The following SRGAP1 variants were observed in gnomAD, a reference collection of about 807,000 sequenced individuals.
SRGAP1 encodes SLIT-ROBO Rho GTPase activating protein 1, also known as SLIT-ROBO Rho GTPase-activating protein 1.
Under a neutral mutation model 121.9 loss-of-function variants are expected in SRGAP1, and 43 were observed. The observed-to-expected ratio is 0.35, with a 90% CI of 0.28 to 0.46. SRGAP1 has a LOEUF of 0.46. SRGAP1 is among the 20% of genes least tolerant of loss of function. The probability of loss-of-function intolerance (pLI) is 1.00; values close to 1 mark genes in which losing one functional copy is unlikely to be tolerated. For synonymous variants in SRGAP1, 447 were observed against 485.4 expected, an observed-to-expected ratio of 0.92 and a Z score of 1.04; for missense variants, 1,102 against 1,350.9, an observed-to-expected ratio of 0.82 and a Z score of 2.89.
chr12:64,062,868 G>T, intron 6 of SRGAP1, 49 bp from the exon 7 acceptor site: 1 of 1,469,260 alleles, frequency 6.8e-7, no homozygotes, highest in South Asian at 1.2e-5. Context: ...TTTTGTCTTT[G>T]ATCAATTTTG....
chr12:64,000,266 G>GTGTA (rs1386921633), intron 3 of SRGAP1, among the ~76,000 whole-genome samples: 15 of 149,510 alleles, frequency 1.0e-4, no homozygotes, highest in African/African-American at 3.7e-4. Context: ...GTGTGTGTGT[G>GTGTA]TGTGTGTGTA....
rs1419041328 is a variant in SRGAP1, at chr12:64,158,840, T to C, written c.*16168T>C. On this transcript the variant is annotated 3_prime_UTR_variant, in exon 22 of 22. Transcript: ENST00000355086. Reference sequence around the variant, plus strand: ...AATGAAAAATCCCAATGAAAATGCATGAATATCATGTGCCTTGACAACTTA... The same window carrying C: ...AATGAAAAATCCCAATGAAAATGCACGAATATCATGTGCCTTGACAACTTA... 1 of 151,934 alleles carries C rather than the reference T, an allele frequency of 6.6e-6. No individual in the cohort carries two copies. Among genetic ancestry groups the C allele is most frequent in the Admixed American group, 6.6e-5 (1 of 15,230 alleles). 9.4% of individuals were successfully genotyped at this position (151,934 alleles called of 1,614,324 possible). A position where few individuals can be genotyped will look rare whatever the true frequency, so the allele number is the denominator to read the frequency against.
rs1764981261 is a variant in SRGAP1 at position 63,951,125 on chromosome 12, A to G, written c.68-32822A>G. ...GTAAGTACTTAATTCATATTTGTGA[A>G]TGGGCTGGTCCATGCCATTTAGAAC... is the stretch of plus-strand genomic sequence containing the variant. On this transcript the variant is annotated intron_variant, in intron 1 of 21. Transcript: ENST00000355086. Among the ~76,000 whole-genome samples, 3 of 137,618 alleles carry G rather than the reference A, an allele frequency of 2.2e-5. No individual in the cohort carries two copies. The South Asian group carries it at 7.4e-4, about 34-fold the overall frequency. The allele number at this position is 137,618 out of a possible 152,430, so 90.3% of individuals were successfully genotyped here.
At chr12:64,130,275 A>G (rs1467446695) in intron 21 of SRGAP1, among the ~76,000 whole-genome samples, 1 of 152,158 alleles carries the variant, frequency 6.6e-6, no homozygotes, top group East Asian at 1.9e-4. Context: ...TAAAGGTAGG[A>G]GGAGCCCAAA....
chr12:64,007,011 G>A (rs1378137372), intron 3 of SRGAP1, among the ~76,000 whole-genome samples: 3 of 152,094 alleles, frequency 2.0e-5, no homozygotes. Flanking sequence ...TGCAGACATG[G>A]ATTTGGACTG....
intron 1 of SRGAP1, among the ~76,000 whole-genome samples, chr12:63,956,829 A>G (rs1441419704): frequency 2.0e-5 from 3 of 151,768 alleles, no homozygotes; most frequent in Non-Finnish European, 4.4e-5. Flanking sequence ...CTGTGCAACA[A>G]TCATCACAAT....
intron 6 of SRGAP1, among the ~76,000 whole-genome samples, chr12:64,047,740 T>C: frequency 6.6e-6 from 1 of 152,156 alleles, no homozygotes; most frequent in East Asian, 1.9e-4. Context: ...CACAGAAAAG[T>C]CATAAATTTT....
At chr12:63,856,607 A>G (rs1439504133) in intron 1 of SRGAP1, among the ~76,000 whole-genome samples, 1 of 146,764 alleles carries the variant, frequency 6.8e-6, no homozygotes, top group Non-Finnish European at 1.5e-5. Flanking sequence ...AAAGTTTCAC[A>G]TACGCAAAAC....
At chr12:64,050,638 G>T (rs1440875620) in intron 6 of SRGAP1, among the ~76,000 whole-genome samples, 1 of 152,126 alleles carries the variant, frequency 6.6e-6, no homozygotes, top group Non-Finnish European at 1.5e-5. Flanking sequence ...GATGTGTCTA[G>T]GCAAGATCTG....
intron 3 of SRGAP1, among the ~76,000 whole-genome samples, chr12:63,995,215 T>C (rs1565628004): frequency 6.6e-6 from 1 of 152,222 alleles, no homozygotes; most frequent in South Asian, 2.1e-4. Flanking sequence ...CATAAATACA[T>C]GTACAATATA....
At chr12:64,047,653 C>G (rs2035158140) in intron 6 of SRGAP1, among the ~76,000 whole-genome samples, 1 of 152,058 alleles carries the variant, frequency 6.6e-6, no homozygotes. Flanking sequence ...TTCCTTTTAC[C>G]TTCCACTCAT....
intron 1 of SRGAP1, among the ~76,000 whole-genome samples, chr12:63,956,491 G>A (rs905746950): frequency 2.6e-5 from 4 of 152,184 alleles, no homozygotes; most frequent in African/African-American, 9.7e-5. Flanking sequence ...AAAACAACTT[G>A]TGTAAACGCC....
At chr12:64,137,959 A>ATATATATAT (rs1176572330) in intron 21 of SRGAP1, among the ~76,000 whole-genome samples, 10 of 133,650 alleles carry the variant, frequency 7.5e-5, no homozygotes, top group African/African-American at 2.9e-4. Flanking sequence ...GCTTAAAAAA[A>ATATATATAT]AAATATATAT....
intron 1 of SRGAP1, chr12:63,872,095 C>T (rs776179991): frequency 1.2e-5 from 8 of 642,452 alleles, no homozygotes; most frequent in Middle Eastern, 2.7e-4. Context: ...AAACAGTGTC[C>T]GAGACCCTTG....
At chr12:63,934,249 T>A (rs1481481022) in intron 1 of SRGAP1, among the ~76,000 whole-genome samples, 1 of 152,180 alleles carries the variant, frequency 6.6e-6, no homozygotes, top group Non-Finnish European at 1.5e-5. Context: ...CAGCTGTCTA[T>A]CTTTCCACCT....
intron 1 of SRGAP1, among the ~76,000 whole-genome samples, chr12:63,868,716 T>G (rs118024659): frequency 2.6e-5 from 4 of 152,074 alleles, no homozygotes; most frequent in Non-Finnish European, 4.4e-5. Context: ...GGGGGAGAGA[T>G]AATATTTTTA....
intron 1 of SRGAP1, among the ~76,000 whole-genome samples, chr12:63,940,049 C>T (rs2031809787): frequency 6.6e-6 from 1 of 151,900 alleles, no homozygotes; most frequent in Non-Finnish European, 1.5e-5. Flanking sequence ...ACAACCTCTA[C>T]CTCCCGGGTT....
At chr12:63,912,348 C>T (rs1379389931) in intron 1 of SRGAP1, among the ~76,000 whole-genome samples, 1 of 151,706 alleles carries the variant, frequency 6.6e-6, no homozygotes, top group African/African-American at 2.4e-5. Flanking sequence ...TGGCTCAGAC[C>T]TGTAATCCCA....
At chr12:63,898,272 T>G (rs1325054125) in intron 1 of SRGAP1, among the ~76,000 whole-genome samples, 2 of 152,224 alleles carry the variant, frequency 1.3e-5, no homozygotes, top group African/African-American at 4.8e-5. Context: ...GAGACCAATA[T>G]GGCTGAGAGC....
Sources: gnomAD v4.1 joint callset for allele counts (sites outside exome capture counted in the v4.1 genomes callset) on GRCh38, gnomAD v4.1.1 for gene constraint, MANE v1.5 for transcripts, NCBI Gene and HGNC (gene_info 2026-07-23, HGNC 2026-07-21) for gene names.